SPATA13: variants seen among roughly 807,000 people sequenced by gnomAD.
SPATA13 encodes the protein spermatogenesis associated 13.
SPATA13 carries 50 observed loss-of-function variants against 104.0 expected under a neutral mutation model. The ratio of observed to expected loss-of-function variants is 0.48; its 90% CI spans 0.38 to 0.61. SPATA13 has a LOEUF of 0.61. Ranked by LOEUF, SPATA13 falls within the 20% of genes least tolerant of loss-of-function variation. SPATA13 has a pLI of 0.00. For missense variants in SPATA13, 1,524 were observed against 1,690.6 expected, an observed-to-expected ratio of 0.90 and a Z score of 1.73; for synonymous variants, 606 against 667.5, an observed-to-expected ratio of 0.91 and a Z score of 1.42.
intron 3 of SPATA13, among the ~76,000 whole-genome samples, chr13:24,079,918 A>G (rs1162792967): frequency 2.6e-5 from 4 of 152,326 alleles, no homozygotes; most frequent in South Asian, 4.1e-4. Flanking sequence ...CCGTGTCCCA[A>G]CCAGCATATC....
chr13:24,132,000 G>T (rs1881401996), intron 3 of SPATA13, among the ~76,000 whole-genome samples: 1 of 152,178 alleles, frequency 6.6e-6, no homozygotes, highest in Admixed American at 6.5e-5. Flanking sequence ...GGTTGACTGT[G>T]TGACCAAGGT....
intron 2 of SPATA13, among the ~76,000 whole-genome samples, chr13:24,005,335 G>A (rs1876172523): frequency 6.6e-6 from 1 of 152,160 alleles, no homozygotes; most frequent in African/African-American, 2.4e-5. Flanking sequence ...GTTTAGAGGC[G>A]AGAATTGGAG....
chr13:24,091,669 A>G (rs1879915392), intron 3 of SPATA13, among the ~76,000 whole-genome samples: 1 of 152,284 alleles, frequency 6.6e-6, no homozygotes, highest in East Asian at 1.9e-4. Flanking sequence ...AAAGTAGCTA[A>G]GCGTGGTGGT....
At chr13:24,016,283 C>T (rs1358091124) in intron 2 of SPATA13, among the ~76,000 whole-genome samples, 1 of 152,160 alleles carries the variant, frequency 6.6e-6, no homozygotes, top group Non-Finnish European at 1.5e-5. Flanking sequence ...GGCCCTGGGC[C>T]CTCCAGGAAG....
intron 1 of SPATA13, among the ~76,000 whole-genome samples, chr13:24,183,185 T>A (rs1868921832): frequency 6.6e-6 from 1 of 152,244 alleles, no homozygotes; most frequent in Non-Finnish European, 1.5e-5. Flanking sequence ...TTCTTTTGTT[T>A]GCATGTTGAG....
chr13:24,141,663 C>T lies in SPATA13; in HGVS notation c.-111-81156C>T, dbSNP rs180911219. On this transcript the variant is annotated intron_variant, in intron 3 of 14. Transcript: ENST00000424834. ...AGTCATGTTCATCCTTGCAGCCCAG[C>T]GCCTGCCACGCAGGGGGTATGGAAT... Among the ~76,000 whole-genome samples the T allele has an allele frequency of 2.1e-4, 32 of 152,284 alleles. 1 individual carries two copies. In the South Asian group the frequency reaches 3.1e-3, roughly 15 times the overall value.
chr13:24,248,341 G>C (rs1445667390), intron 2 of SPATA13, among the ~76,000 whole-genome samples: 1 of 152,242 alleles, frequency 6.6e-6, no homozygotes, highest in Non-Finnish European at 1.5e-5. Flanking sequence ...TGCAGAGCCA[G>C]ATCACAGAAG....
At chr13:24,189,483 C>A (rs7140029) in intron 1 of SPATA13, among the ~76,000 whole-genome samples, 12,292 of 48,200 alleles carry the variant, frequency 0.26, 1,673 homozygotes, top group African/African-American at 0.42. Context: ...CTCTCTCTCT[C>A]TATATATATA....
intron 3 of SPATA13, among the ~76,000 whole-genome samples, chr13:24,145,120 TC>T (rs35477867): frequency 2.6e-5 from 4 of 152,124 alleles, no homozygotes; most frequent in Non-Finnish European, 5.9e-5. Flanking sequence ...CTTTTCAACT[TC>T]CTGGCAATAC....
chr13:24,246,486 A>G (rs903856039), intron 2 of SPATA13, among the ~76,000 whole-genome samples: 5 of 152,350 alleles, frequency 3.3e-5, no homozygotes, highest in African/African-American at 1.2e-4. Context: ...CAGAAGACAG[A>G]TTAGCAAAAG....
At chr13:24,016,052 G>A (rs369807935) in intron 2 of SPATA13, among the ~76,000 whole-genome samples, 301 of 152,312 alleles carry the variant, frequency 2.0e-3, no homozygotes, top group African/African-American at 6.4e-3. Flanking sequence ...AGTGACACGT[G>A]GCATGGTTCT....
chr13:24,280,491 CTTTTTT>C (rs57348867), intron 4 of SPATA13, among the ~76,000 whole-genome samples: 1 of 144,990 alleles, frequency 6.9e-6, no homozygotes, highest in Non-Finnish European at 1.5e-5. Flanking sequence ...CTGAGATGCA[CTTTTTT>C]TTTTTTTTTG....
chr13:24,222,163 G>A (rs865804217), intron 1 of SPATA13, among the ~76,000 whole-genome samples: 11 of 152,210 alleles, frequency 7.2e-5, no homozygotes, highest in Middle Eastern at 3.4e-3. Flanking sequence ...CTGCTGTATG[G>A]CCAGTTGGAA....
At chr13:24,108,279 C>T (rs1040094113) in intron 3 of SPATA13, among the ~76,000 whole-genome samples, 2 of 152,262 alleles carry the variant, frequency 1.3e-5, no homozygotes, top group Non-Finnish European at 2.9e-5. Flanking sequence ...CACGTGAATT[C>T]GGGAGACACA....
upstream of SPATA13, among the ~76,000 whole-genome samples, chr13:24,155,937 C>G (rs1275890473): frequency 1.3e-5 from 2 of 152,230 alleles, no homozygotes; most frequent in African/African-American, 4.8e-5. Flanking sequence ...CCTACAGTAT[C>G]TGTCCTTTTG....
At chr13:24,105,283 A>G (rs142090862) in intron 3 of SPATA13, among the ~76,000 whole-genome samples, 2,517 of 151,982 alleles carry the variant, frequency 0.017, 54 homozygotes, top group African/African-American at 0.047. Context: ...CCATCATGCC[A>G]GGCTAATTTT....
chr13:24,290,873 AC>A lies in SPATA13; in HGVS notation c.3070del (p.Gln1024ArgfsTer9). On this transcript the variant is annotated frameshift_variant, in exon 9 of 13. Coordinates refer to ENST00000382108, the MANE Select transcript of SPATA13 (RefSeq NM_001166271.3). LOFTEE classifies it high-confidence loss of function. ...QLAELLKYTT[Q>X]EHGDYSNIKA... is the part of the protein sequence containing the mutation. ...TGGCCGAGCTGCTCAAGTATACCACACAGGAACACGGGTGAGGGGCATGGGT... is the reference window on the plus strand; with the variant it reads ...TGGCCGAGCTGCTCAAGTATACCACAAGGAACACGGGTGAGGGGCATGGGT... 6.2e-7 allele frequency: 1 copy of A among 1,613,800 alleles called. No individual in the cohort carries two copies. The highest frequency in any genetic ancestry group is 8.5e-7 in the Non-Finnish European group (1 of 1,179,794).
intron 1 of SPATA13, among the ~76,000 whole-genome samples, chr13:24,202,523 T>C (rs113793313): frequency 5.3e-3 from 117 of 21,888 alleles, no homozygotes; most frequent in African/African-American, 0.012. Flanking sequence ...TCTTTCCCTT[T>C]TTTTTTTTTT....
intron 5 of SPATA13, 41 bp downstream of exon 5, chr13:24,284,312 T>A (rs771467303): frequency 1.3e-6 from 2 of 1,583,412 alleles, no homozygotes; most frequent in East Asian, 4.5e-5. Context: ...ACGGGATACC[T>A]GATTTTCAGG....
Sources: allele counts gnomAD v4.1 joint callset (sites outside exome capture counted in the v4.1 genomes callset), GRCh38; gene constraint gnomAD v4.1.1; transcripts MANE v1.5; gene names NCBI Gene and HGNC (gene_info 2026-07-23, HGNC 2026-07-21).